Variants in FOXJ3 observed in about 807,000 individuals in gnomAD.
The protein encoded by FOXJ3 is forkhead box protein J3.
FOXJ3 carries 22 observed loss-of-function variants against 76.1 expected under a neutral mutation model. That is an observed-to-expected ratio of 0.29 (90% CI 0.21 to 0.41). The LOEUF (loss-of-function observed/expected upper bound fraction) is 0.41, where lower values mean the gene tolerates loss of function less well. Ranked by LOEUF, FOXJ3 falls within the 10% of genes least tolerant of loss-of-function variation. The probability of loss-of-function intolerance (pLI) is 1.00; values close to 1 mark genes in which losing one functional copy is unlikely to be tolerated. For missense variants in FOXJ3, 613 were observed against 762.1 expected (o/e 0.80, Z 2.30); for synonymous variants, 269 against 261.2 (o/e 1.03, Z -0.29).
chr1:42,298,913 G>A (rs1653958652), intron 2 of FOXJ3, among the ~76,000 whole-genome samples: 1 of 152,120 alleles, frequency 6.6e-6, no homozygotes, highest in South Asian at 2.1e-4. Context: ...AGTTCATTCA[G>A]GAGCATGTTG....
chr1:42,289,156 T>C (rs1653255113), intron 2 of FOXJ3, among the ~76,000 whole-genome samples: 1 of 151,838 alleles, frequency 6.6e-6, no homozygotes, highest in Non-Finnish European at 1.5e-5. Context: ...TTTTGGTCTC[T>C]TCTTATATTT....
chr1:42,277,156 A>AG (rs1652326105), intron 3 of FOXJ3, among the ~76,000 whole-genome samples: 1 of 151,512 alleles, frequency 6.6e-6, no homozygotes, highest in Non-Finnish European at 1.5e-5. Context: ...ATTTTTTAAA[A>AG]GTCTTGGCCA....
intron 4 of FOXJ3, among the ~76,000 whole-genome samples, chr1:42,237,782 C>T (rs914254728): frequency 5.3e-5 from 8 of 151,806 alleles, no homozygotes; most frequent in Admixed American, 3.3e-4. Context: ...CTCTGGTACA[C>T]ATAGGGTTAA....
At chr1:42,321,346 T>C (rs879424926) in intron 1 of FOXJ3, among the ~76,000 whole-genome samples, 2 of 152,136 alleles carry the variant, frequency 1.3e-5, no homozygotes, top group Non-Finnish European at 2.9e-5. Flanking sequence ...AAGCAGAAAT[T>C]AGTAGTCTGC....
chr1:42,235,387 C>G (rs896240848), intron 4 of FOXJ3, among the ~76,000 whole-genome samples: 2 of 152,180 alleles, frequency 1.3e-5, no homozygotes, highest in African/African-American at 4.8e-5. Context: ...TCGGCTCACG[C>G]TCGGTGCGCT....
chr1:42,264,752 C>T (rs1250255256), intron 4 of FOXJ3, among the ~76,000 whole-genome samples: 1 of 152,066 alleles, frequency 6.6e-6, no homozygotes, highest in African/African-American at 2.4e-5. Flanking sequence ...AACAGAGAAA[C>T]TGTTTTATTC....
chr1:42,231,804 TTTTG>T (rs1193141838), intron 4 of FOXJ3, among the ~76,000 whole-genome samples: 1 of 151,926 alleles, frequency 6.6e-6, no homozygotes, highest in Non-Finnish European at 1.5e-5. Context: ...CCACGCCTGT[TTTTG>T]TTTTGTTTTA....
intron 5 of FOXJ3, among the ~76,000 whole-genome samples, chr1:42,211,128 G>A (rs769392906): frequency 6.6e-6 from 1 of 152,142 alleles, no homozygotes; most frequent in Admixed American, 6.5e-5. Flanking sequence ...GCTCGTGAAG[G>A]GTCTTGAAGA....
At chr1:42,210,252 C>T (rs2124353032) in intron 5 of FOXJ3, among the ~76,000 whole-genome samples, 2 of 152,312 alleles carry the variant, frequency 1.3e-5, no homozygotes. Context: ...CTTGCACCCA[C>T]ATGTGAAAAG....
At chr1:42,252,518 T>C (rs1459486461) in intron 4 of FOXJ3, among the ~76,000 whole-genome samples, 2 of 152,140 alleles carry the variant, frequency 1.3e-5, no homozygotes, top group East Asian at 3.9e-4. Flanking sequence ...TCTCTTTTTT[T>C]CTTTATTTGT....
At chr1:42,296,510 T>C (rs940931036) in intron 2 of FOXJ3, among the ~76,000 whole-genome samples, 1 of 152,244 alleles carries the variant, frequency 6.6e-6, no homozygotes, top group African/African-American at 2.4e-5. Flanking sequence ...AGTTTCCTTC[T>C]TTTGCATATG....
chr1:42,302,339 C>T (rs1006597972), intron 2 of FOXJ3, among the ~76,000 whole-genome samples: 14 of 152,228 alleles, frequency 9.2e-5, no homozygotes. Context: ...TCCTTGTTTA[C>T]AGAGAAGCTC....
intron 3 of FOXJ3, among the ~76,000 whole-genome samples, chr1:42,266,023 A>G (rs909045200): frequency 5.9e-5 from 9 of 152,266 alleles, no homozygotes; most frequent in Admixed American, 5.9e-4. Context: ...CCATTCTCAA[A>G]TTATCTTGGT....
intron 5 of FOXJ3, among the ~76,000 whole-genome samples, chr1:42,209,808 T>TC (rs1646931394): frequency 6.6e-6 from 1 of 152,164 alleles, no homozygotes; most frequent in Non-Finnish European, 1.5e-5. Flanking sequence ...AGGTCACAGG[T>TC]TGAGAGACAC....
At chr1:42,315,413 A>C in intron 1 of FOXJ3, 1 of 985,198 alleles carries the variant, frequency 1.0e-6, no homozygotes, top group Non-Finnish European at 1.2e-6. Flanking sequence ...TTATTTCTCA[A>C]TCAGCTCAAA....
chr1:42,317,572 A>G (rs1367616330), intron 1 of FOXJ3, among the ~76,000 whole-genome samples: 2 of 151,550 alleles, frequency 1.3e-5, no homozygotes, highest in Non-Finnish European at 2.9e-5. Flanking sequence ...AGCAAGTGAT[A>G]TAAGAGAGAG....
At chr1:42,285,102 A>AT (rs961227524) in intron 2 of FOXJ3, among the ~76,000 whole-genome samples, 2 of 151,930 alleles carry the variant, frequency 1.3e-5, no homozygotes, top group Admixed American at 6.6e-5. Context: ...GTATTTTATG[A>AT]TTTTTTTCCT....
chr1:42,257,499 TGAGGTCAG>T, intron 4 of FOXJ3, among the ~76,000 whole-genome samples: 1 of 152,176 alleles, frequency 6.6e-6, no homozygotes, highest in South Asian at 2.1e-4. Context: ...GTGGATAATT[TGAGGTCAG>T]GAGTTCGAGA....
intron 4 of FOXJ3, among the ~76,000 whole-genome samples, chr1:42,235,061 C>A (rs1288970986): frequency 3.9e-5 from 6 of 152,332 alleles, no homozygotes; most frequent in Admixed American, 2.0e-4. Flanking sequence ...CCAGTTGGAG[C>A]TTCCTGGCCG....
Sources: gnomAD v4.1 joint callset for allele counts (sites outside exome capture counted in the v4.1 genomes callset) on GRCh38, gnomAD v4.1.1 for gene constraint, MANE v1.5 for transcripts, NCBI Gene and HGNC (gene_info 2026-07-23, HGNC 2026-07-21) for gene names.